Variants in JAKMIP2 observed in about 807,000 individuals in gnomAD.
The protein encoded by JAKMIP2 is janus kinase and microtubule-interacting protein 2.
A neutral mutation model predicts 115.0 loss-of-function variants in JAKMIP2; 25 were observed. That is an observed-to-expected ratio of 0.22 (90% confidence interval 0.16 to 0.30). The LOEUF (loss-of-function observed/expected upper bound fraction) is 0.30, where lower values mean the gene tolerates loss of function less well. Ranked by LOEUF, JAKMIP2 falls within the 10% of genes least tolerant of loss-of-function variation. JAKMIP2 has a pLI of 1.00. For synonymous variants in JAKMIP2, 334 were observed against 343.6 expected (o/e 0.97, Z 0.31); for missense variants, 642 against 957.6 (o/e 0.67, Z 4.35).
intron 2 of JAKMIP2, among the ~76,000 whole-genome samples, chr5:147,665,779 T>C (rs1759268024): frequency 6.6e-6 from 1 of 152,166 alleles, no homozygotes; most frequent in African/African-American, 2.4e-5. Flanking sequence ...TAAGGTAATA[T>C]TATTACTGGA....
intron 1 of JAKMIP2, among the ~76,000 whole-genome samples, chr5:147,758,200 C>T (rs1426393282): frequency 1.3e-5 from 2 of 152,014 alleles, no homozygotes; most frequent in South Asian, 2.1e-4. Context: ...GAATATTGTC[C>T]ACTAGTTTCA....
chr5:147,675,999 C>G (rs960545591), intron 1 of JAKMIP2, among the ~76,000 whole-genome samples: 40 of 152,240 alleles, frequency 2.6e-4, no homozygotes, highest in African/African-American at 9.4e-4. Flanking sequence ...TCTACAGAAG[C>G]TGCCAGCCAT....
chr5:147,694,393 T>C (rs750433849), intron 1 of JAKMIP2, among the ~76,000 whole-genome samples: 23 of 152,244 alleles, frequency 1.5e-4, no homozygotes, highest in Middle Eastern at 6.8e-3. Flanking sequence ...ACAGGACTCC[T>C]TGATGGGCTG....
intron 1 of JAKMIP2, among the ~76,000 whole-genome samples, chr5:147,704,463 T>G (rs17107219): frequency 0.21 from 32,165 of 152,008 alleles, 4,146 homozygotes; most frequent in African/African-American, 0.36. Flanking sequence ...AAACATCATT[T>G]TGTGGGACAT....
At chr5:147,640,636 T>C in intron 9 of JAKMIP2, 68 bp downstream of exon 9, 2 of 1,544,822 alleles carry the variant, frequency 1.3e-6, no homozygotes, top group Non-Finnish European at 1.8e-6. Flanking sequence ...TGAAATCCTT[T>C]TTCTTCCCCC....
chr5:147,661,179 C>T lies in JAKMIP2; in HGVS notation c.396G>A (p.Ala132=), dbSNP rs751130254. 3.7e-6 allele frequency: 6 copies of T among 1,614,068 alleles called. No homozygotes were observed. Among genetic ancestry groups the T allele is most frequent in the South Asian group, 2.2e-5 (2 of 91,068 alleles). The part of the protein sequence containing the change: ...RDGSSDKVRT[A]LTIEAREEAR... ...CCTCCTCCCGGGCCTCAATGGTGAG[C>T]GCTGTCCTTACTTTGTCACTGCTGC... Residue 132 remains alanine (A), a synonymous_variant, in exon 3 of 22, where the codon GCG becomes GCA. Coordinates refer to ENST00000616793, the MANE Select transcript of JAKMIP2 (RefSeq NM_001270941.2).
intron 4 of JAKMIP2, among the ~76,000 whole-genome samples, chr5:147,648,927 T>C (rs1376458640): frequency 2.0e-5 from 3 of 152,166 alleles, no homozygotes; most frequent in African/African-American, 4.8e-5. Flanking sequence ...GGGATTAATA[T>C]TGTCAATTCC....
chr5:147,761,251 T>C (rs1349120735), intron 1 of JAKMIP2, among the ~76,000 whole-genome samples: 1 of 152,146 alleles, frequency 6.6e-6, no homozygotes. Flanking sequence ...GTAATCCAGC[T>C]CCTGTATTAA....
intron 1 of JAKMIP2, among the ~76,000 whole-genome samples, chr5:147,776,508 T>C (rs767506434): frequency 7.2e-5 from 11 of 152,216 alleles, no homozygotes; most frequent in Admixed American, 6.5e-4. Flanking sequence ...CTCTTTCCTT[T>C]ATACATTACC....
chr5:147,683,473 C>A (rs1231998739), intron 1 of JAKMIP2, among the ~76,000 whole-genome samples: 1 of 152,112 alleles, frequency 6.6e-6, no homozygotes, highest in Non-Finnish European at 1.5e-5. Flanking sequence ...GCCTGGGAAA[C>A]AGAGCAAGAC....
chr5:147,650,229 G>C, intron 4 of JAKMIP2, 109 bp downstream of exon 4: 1 of 720,036 alleles, frequency 1.4e-6, no homozygotes, highest in South Asian at 1.7e-5. Flanking sequence ...GTAGAAGGTA[G>C]ATTGATTTCT....
intron 20 of JAKMIP2, among the ~76,000 whole-genome samples, chr5:147,607,887 C>G (rs1581277207): frequency 1.3e-5 from 2 of 152,196 alleles, no homozygotes; most frequent in South Asian, 4.2e-4. Flanking sequence ...TTGACTTCTT[C>G]TTGGTTTAGC....
chr5:147,636,031 C>T (rs1757600399), intron 12 of JAKMIP2, among the ~76,000 whole-genome samples, 191 bp downstream of exon 12: 1 of 152,188 alleles, frequency 6.6e-6, no homozygotes, highest in African/African-American at 2.4e-5. Flanking sequence ...CAGAGCCATG[C>T]ACACGTGCCA....
intron 1 of JAKMIP2, among the ~76,000 whole-genome samples, chr5:147,716,885 A>G (rs1362277101): frequency 6.9e-6 from 1 of 144,194 alleles, no homozygotes; most frequent in African/African-American, 2.6e-5. Flanking sequence ...TTTTGTTGCC[A>G]TTGCTTTTGG....
chr5:147,681,425 C>T (rs1312400641), intron 1 of JAKMIP2, among the ~76,000 whole-genome samples: 1 of 152,206 alleles, frequency 6.6e-6, no homozygotes, highest in Non-Finnish European at 1.5e-5. Context: ...AGGGCCAGAT[C>T]AAATATCATG....
intron 16 of JAKMIP2, 58 bp from the exon 17 acceptor site, chr5:147,623,747 G>T: frequency 9.0e-7 from 1 of 1,116,084 alleles, no homozygotes; most frequent in Non-Finnish European, 1.4e-6. Context: ...GTGTATATCT[G>T]TGTGCCCCCA....
intron 5 of JAKMIP2, 36 bp from the exon 6 acceptor site, chr5:147,645,032 T>C (rs780591762): frequency 1.1e-5 from 18 of 1,607,276 alleles, no homozygotes; most frequent in Non-Finnish European, 1.4e-5. Flanking sequence ...TGTCTTGCGT[T>C]TGGGGGACGT....
At chr5:147,700,382 A>G (rs762424075) in intron 1 of JAKMIP2, among the ~76,000 whole-genome samples, 8 of 152,160 alleles carry the variant, frequency 5.3e-5, no homozygotes, top group Non-Finnish European at 1.0e-4. Flanking sequence ...CATTTAGTGA[A>G]CTAGCAAATA....
At position 147,600,541 on chromosome 5, in the gene JAKMIP2, G is replaced by A. The variant is rs116746898; in HGVS notation, c.*20+1200C>T. On this transcript the variant is annotated intron_variant, in intron 21 of 21. Coordinates refer to ENST00000616793, the MANE Select transcript of JAKMIP2 (RefSeq NM_001270941.2). ...ATCTCAGGCTAATATAATTTAATAG[G>A]ATAATCAGAGTTGACATGAACCATG... 5.4e-3 allele frequency among the ~76,000 whole-genome samples: 822 copies of A among 152,228 alleles called. 9 individuals carry two copies. Among genetic ancestry groups the A allele is most frequent in the African/African-American group, 0.019 (790 of 41,538 alleles).
Sources: gnomAD v4.1 joint callset for allele counts (sites outside exome capture counted in the v4.1 genomes callset) on GRCh38, gnomAD v4.1.1 for gene constraint, MANE v1.5 for transcripts, NCBI Gene and HGNC (gene_info 2026-07-23, HGNC 2026-07-21) for gene names.